Variants in DIS3L observed in about 807,000 individuals in gnomAD.
DIS3L encodes the protein DIS3 like exosome 3'-5' exoribonuclease, also known as DIS3-like exonuclease 1.
In DIS3L, 100 loss-of-function variants were observed where a neutral mutation model predicts 120.3. The observed-to-expected ratio is 0.83, with a 90% confidence interval of 0.71 to 0.98. The LOEUF (loss-of-function observed/expected upper bound fraction) is 0.98. Ranked by LOEUF, DIS3L falls within the 50% of genes least tolerant of loss-of-function variation. DIS3L has a pLI of 0.00. For synonymous variants in DIS3L, 426 were observed against 470.6 expected, an observed-to-expected ratio of 0.91 and a Z score of 1.23; for missense variants, 1,196 against 1,314.2, an observed-to-expected ratio of 0.91 and a Z score of 1.39.
At chr15:66,296,856 A>G (rs1237487796) in intron 2 of DIS3L, among the ~76,000 whole-genome samples, 2 of 152,002 alleles carry the variant, frequency 1.3e-5, no homozygotes, top group Admixed American at 6.6e-5. Context: ...CAACAAACCT[A>G]TTGTCTTGCT....
intron 1 of DIS3L, chr15:66,294,364 G>C (rs2092561765): frequency 1.0e-6 from 1 of 985,440 alleles, no homozygotes; most frequent in African/African-American, 1.7e-5. Context: ...GCACGTTACT[G>C]GCTCTCTTCC....
chr15:66,316,226 C>T (rs896403335), intron 7 of DIS3L, among the ~76,000 whole-genome samples: 4 of 152,186 alleles, frequency 2.6e-5, no homozygotes, highest in African/African-American at 9.6e-5. Flanking sequence ...CCTAGACCTG[C>T]TCTTCCCCAC....
intron 2 of DIS3L, 174 bp from the exon 3 acceptor site, chr15:66,306,650 A>G (rs564040938): frequency 7.1e-6 from 6 of 847,632 alleles, no homozygotes; most frequent in Admixed American, 3.0e-5. Flanking sequence ...ATCGAGAAAC[A>G]ATAGCAGCCC....
At chr15:66,325,733 CCTGGG>C in intron 11 of DIS3L, 93 bp from the exon 12 acceptor site, 1 of 1,391,494 alleles carries the variant, frequency 7.2e-7, no homozygotes, top group Non-Finnish European at 9.7e-7. Flanking sequence ...TGCACTCCAG[CCTGGG>C]TGACAGAGCA....
chr15:66,293,912 C>T, intron 1 of DIS3L, 177 bp downstream of exon 1: 1 of 1,000,098 alleles, frequency 1.0e-6, no homozygotes, highest in Non-Finnish European at 1.2e-6. Flanking sequence ...GACCCAGCGG[C>T]CCGGGTCCGC....
chr15:66,332,823 A>G lies in DIS3L; in HGVS notation c.2769A>G (p.Pro923=), dbSNP rs11071885. ...CAGATAGCTGTTCTGAATGGAAACC[A>G]GGATCCCTTCAACGATTTCAAAACA... The part of the protein sequence containing the change: ...CGPDSCSEWK[P]GSLQRFQNKI... The change falls in exon 16 of 17, where the codon CCA becomes CCG. Residue 923 remains proline (P), a synonymous_variant. Transcript: ENST00000319212. The G allele has an allele frequency of 0.083, 134,622 of 1,613,840 alleles. 5,715 individuals carry two copies. Among genetic ancestry groups the G allele is most frequent in the South Asian group, 0.084 (7,673 of 91,050 alleles).
intron 1 of DIS3L, 137 bp downstream of exon 1, chr15:66,293,872 G>A (rs1186482960): frequency 9.3e-6 from 8 of 857,332 alleles, no homozygotes; most frequent in Non-Finnish European, 7.7e-6. Flanking sequence ...CCCGCTCGCC[G>A]GCCTCACCCC....
chr15:66,315,023 G>T lies in DIS3L; in HGVS notation c.815-13G>T. ...TGGCTTTATGGGTTTTTTCTGTGCT[G>T]CCCCAAACACAGATTTAGTCAGTGA... On this transcript the variant is annotated splice_polypyrimidine_tract_variant and intron_variant, in intron 6 of 16. Coordinates refer to ENST00000319212, the MANE Select transcript of DIS3L (RefSeq NM_001143688.3). 6.2e-7 allele frequency: 1 copy of T among 1,612,222 alleles called. No individual in the cohort carries two copies. The highest frequency in any genetic ancestry group is 8.5e-7 in the Non-Finnish European group (1 of 1,178,734).
intron 9 of DIS3L, among the ~76,000 whole-genome samples, chr15:66,321,724 C>A (rs182433222): frequency 6.6e-6 from 1 of 151,190 alleles, no homozygotes; most frequent in Non-Finnish European, 1.5e-5. Flanking sequence ...CGAGATCGCA[C>A]CGCTGCACTC....
chr15:66,294,065 C>A, intron 1 of DIS3L: 1 of 986,392 alleles, frequency 1.0e-6, no homozygotes, highest in Non-Finnish European at 1.2e-6. Context: ...CTCCTCCCGC[C>A]GCAACCTCGC....
At chr15:66,332,957 GAATA>G in intron 16 of DIS3L, 43 bp from the exon 17 acceptor site, 1 of 1,582,442 alleles carries the variant, frequency 6.3e-7, no homozygotes, top group Non-Finnish European at 8.6e-7. Context: ...TAAATGTAAG[GAATA>G]AATAATGTGA....
chr15:66,319,979 G>T (rs967614877), intron 8 of DIS3L, among the ~76,000 whole-genome samples: 1 of 141,066 alleles, frequency 7.1e-6, no homozygotes, highest in South Asian at 2.4e-4. Context: ...AAAAAATTAG[G>T]TGGGCATGGT....
rs2140341758 is a variant in DIS3L at position 66,306,831 on chromosome 15, A to C, written c.301A>C (p.Asn101His). The C allele has an allele frequency of 6.2e-7, 1 of 1,614,126 alleles. No individual in the cohort carries two copies. Among genetic ancestry groups the C allele is most frequent in the East Asian group, 2.2e-5 (1 of 44,882 alleles). The change falls in exon 3 of 17, where the codon AAC (asparagine) becomes CAC (histidine). Residue 101 changes from asparagine to histidine, a missense_variant. Asn to His is a moderately conservative substitution (Grantham distance 68). Coordinates refer to ENST00000319212, the MANE Select transcript of DIS3L (RefSeq NM_001143688.3). ...VQHQRGRRQYNKLRNLLKDAR... is the reference protein window; with the variant it reads ...VQHQRGRRQYHKLRNLLKDAR... Reference sequence around the variant, plus strand: ...TTCTCCTCCGTGTCACAGACAGTATAACAAACTGCGAAACCTGCTGAAGGA... The same window carrying C: ...TTCTCCTCCGTGTCACAGACAGTATCACAAACTGCGAAACCTGCTGAAGGA...
chr15:66,313,185 G>A (rs998590361), intron 5 of DIS3L, among the ~76,000 whole-genome samples: 25 of 151,786 alleles, frequency 1.6e-4, no homozygotes, highest in African/African-American at 6.0e-4. Context: ...TAGTAGAGAC[G>A]GGGTTTCACC....
intron 2 of DIS3L, among the ~76,000 whole-genome samples, chr15:66,299,997 G>A (rs1042600075): frequency 7.9e-5 from 12 of 152,294 alleles, no homozygotes; most frequent in Non-Finnish European, 1.5e-4. Context: ...GTTGCAGTGA[G>A]CCAGGATCGC....
chr15:66,293,533 T>TCCGAGGCCGCGGCCTTGCCTCCGCCGCGC, upstream of DIS3L: 1 of 1,329,010 alleles, frequency 7.5e-7, no homozygotes, highest in East Asian at 3.5e-5. Flanking sequence ...GAGGGGCGGG[T>TCCGAGGCCGCGGCCTTGCCTCCGCCGCGC]CCGAGGCCGC....
chr15:66,309,470 T>A (rs1391287748), intron 4 of DIS3L, among the ~76,000 whole-genome samples: 1 of 152,072 alleles, frequency 6.6e-6, no homozygotes, highest in Non-Finnish European at 1.5e-5. Context: ...TGTTGACCTA[T>A]AAAATGGCAG....
chr15:66,304,992 C>T (rs1187423144), intron 2 of DIS3L, among the ~76,000 whole-genome samples: 3 of 143,890 alleles, frequency 2.1e-5, no homozygotes, highest in South Asian at 4.3e-4. Context: ...AAAATAAAAT[C>T]GATTTCTTTT....
intron 4 of DIS3L, among the ~76,000 whole-genome samples, chr15:66,310,326 G>A (rs770133600): frequency 2.0e-5 from 3 of 152,144 alleles, no homozygotes; most frequent in Non-Finnish European, 4.4e-5. Context: ...ATCATGTCTT[G>A]TTCCTGCAGA....
Sources: allele counts gnomAD v4.1 joint callset (sites outside exome capture counted in the v4.1 genomes callset), GRCh38; gene constraint gnomAD v4.1.1; transcripts MANE v1.5; gene names NCBI Gene and HGNC (gene_info 2026-07-23, HGNC 2026-07-21).